ARHGAP12: variants seen among roughly 807,000 people sequenced by gnomAD.
ARHGAP12 encodes the protein rho GTPase-activating protein 12.
In ARHGAP12, 64 loss-of-function variants were observed where a neutral mutation model predicts 108.6. The observed-to-expected ratio is 0.59, with a 90% CI of 0.48 to 0.73. ARHGAP12 has a LOEUF of 0.73. ARHGAP12 is among the 30% of genes least tolerant of loss of function. The pLI is 0.00. For synonymous variants in ARHGAP12, 312 were observed against 337.2 expected (o/e 0.93, Z 0.82); for missense variants, 940 against 1,005.9 (o/e 0.93, Z 0.89).
At chr10:31,911,271 G>A (rs1431628092) in intron 1 of ARHGAP12, among the ~76,000 whole-genome samples, 1 of 152,152 alleles carries the variant, frequency 6.6e-6, no homozygotes, top group Non-Finnish European at 1.5e-5. Context: ...TGATCCGCCT[G>A]CCTCAGCCTC....
intron 3 of ARHGAP12, among the ~76,000 whole-genome samples, chr10:31,901,986 A>T (rs950446193): frequency 2.0e-5 from 3 of 151,848 alleles, no homozygotes; most frequent in African/African-American, 7.3e-5. Context: ...AACTGCAAAA[A>T]CCTCTTTCCC....
chr10:31,849,169 G>A lies in ARHGAP12; in HGVS notation c.1170+3348C>T, dbSNP rs77924554. ...CTTCACATATTTTATTTGAAATACT[G>A]AACAGCAGACTTCATTTTGAGTGGG... On this transcript the variant is annotated intron_variant, in intron 6 of 19. Coordinates refer to ENST00000344936, the MANE Select transcript of ARHGAP12 (RefSeq NM_018287.7). 6.4e-4 allele frequency among the ~76,000 whole-genome samples: 97 copies of A among 152,096 alleles called. 1 individual carries two copies. The East Asian group carries it at 0.017, about 27-fold the overall frequency.
Position 31,817,781 on chromosome 10 carries a change from G to T in ARHGAP12, c.1731+7C>A, listed in dbSNP as rs780125419. The T allele has an allele frequency of 6.5e-7, 1 of 1,545,092 alleles. No homozygotes were observed. The highest frequency in any genetic ancestry group is 8.7e-7 in the Non-Finnish European group (1 of 1,145,354). ...AAGTAAAAATTTTACCTAAGTCAAC[G>T]ACATACCTGATTATTGATTGTACTA... On this transcript the variant is annotated splice_region_variant and intron_variant, in intron 13 of 19. Transcript: ENST00000344936.
intron 3 of ARHGAP12, among the ~76,000 whole-genome samples, chr10:31,866,101 A>G (rs931230055): frequency 1.3e-5 from 2 of 152,220 alleles, no homozygotes; most frequent in Admixed American, 6.5e-5. Flanking sequence ...TGCAATTAAC[A>G]TAACTAAAGA....
chr10:31,854,295 ATAAG>A, intron 4 of ARHGAP12, 89 bp from the exon 5 acceptor site: 1 of 1,148,996 alleles, frequency 8.7e-7, no homozygotes, highest in Non-Finnish European at 1.2e-6. Flanking sequence ...TTACTTGACT[ATAAG>A]TATGAAGATA....
intron 3 of ARHGAP12, among the ~76,000 whole-genome samples, chr10:31,872,428 T>A (rs1238180909): frequency 2.0e-5 from 3 of 151,888 alleles, no homozygotes; most frequent in Non-Finnish European, 4.4e-5. Flanking sequence ...CCTATAGGAG[T>A]CACTAATTCA....
At chr10:31,914,151 A>C (rs1164867759) in intron 1 of ARHGAP12, among the ~76,000 whole-genome samples, 1 of 152,160 alleles carries the variant, frequency 6.6e-6, no homozygotes, top group East Asian at 1.9e-4. Flanking sequence ...CTTCTAATAC[A>C]ATTTTTTATT....
intron 1 of ARHGAP12, among the ~76,000 whole-genome samples, chr10:31,910,931 A>G (rs1464945762): frequency 6.6e-6 from 1 of 152,246 alleles, no homozygotes; most frequent in African/African-American, 2.4e-5. Context: ...TATGTATTGA[A>G]TGGGTAAAGA....
intron 1 of ARHGAP12, among the ~76,000 whole-genome samples, chr10:31,923,057 G>C (rs1296044505): frequency 6.7e-6 from 1 of 148,604 alleles, no homozygotes; most frequent in Non-Finnish European, 1.5e-5. Flanking sequence ...TTTGAGCCTG[G>C]GAGTTCGCGA....
chr10:31,880,913 AT>A (rs2132364305), intron 3 of ARHGAP12, among the ~76,000 whole-genome samples: 2 of 147,626 alleles, frequency 1.4e-5, no homozygotes, highest in South Asian at 2.2e-4. Flanking sequence ...AAAAAAAAAA[AT>A]TAGCCAGGTG....
chr10:31,824,744 T>C (rs537022568), intron 11 of ARHGAP12, among the ~76,000 whole-genome samples: 1 of 152,180 alleles, frequency 6.6e-6, no homozygotes, highest in Non-Finnish European at 1.5e-5. Flanking sequence ...TGGCTTCATC[T>C]GTTCCTGCTA....
chr10:31,906,711 G>A (rs1476625726), intron 3 of ARHGAP12, among the ~76,000 whole-genome samples: 1 of 152,172 alleles, frequency 6.6e-6, no homozygotes, highest in East Asian at 1.9e-4. Flanking sequence ...GGCCCCAGGA[G>A]AAGTTAGGAG....
rs1156434780 is a variant in ARHGAP12 at position 31,908,613 on chromosome 10, A to C, written c.243T>G (p.Val81=). 5.6e-6 allele frequency: 9 copies of C among 1,614,090 alleles called. 1 individual carries two copies. Among genetic ancestry groups the C allele is most frequent in the Middle Eastern group, 3.3e-4 (2 of 6,084 alleles). The change falls in exon 3 of 20, where the codon GTT becomes GTG. Residue 81 remains valine (V), a synonymous_variant. Transcript: ENST00000344936. ...EVTRKALMPP[V]KQVAGLPNNS... is the part of the protein sequence containing the mutation. ...TATTTGGCAGACCAGCTACCTGCTT[A>C]ACAGGTGGCATGAGAGCTTTGCGCG...
In ARHGAP12 at chr10:31,915,157, C is replaced by A. The variant is rs371304328; in HGVS notation, c.-110-4594G>T. ...ATCCCAGCACTTTGGGAGACCGGGG[C>A]GTGCAGATCACCTGAGGTCGGGGGT... On this transcript the variant is annotated intron_variant, in intron 1 of 19. Coordinates refer to ENST00000344936, the MANE Select transcript of ARHGAP12 (RefSeq NM_018287.7). 4.6e-5 allele frequency among the ~76,000 whole-genome samples: 7 copies of A among 152,098 alleles called. No homozygotes were observed. The East Asian group carries it at 1.3e-3, about 29-fold the overall frequency.
At chr10:31,830,717 A>AC (rs748886167) in intron 10 of ARHGAP12, among the ~76,000 whole-genome samples, 6 of 152,244 alleles carry the variant, frequency 3.9e-5, no homozygotes, top group Admixed American at 3.9e-4. Context: ...GAGGTACTAC[A>AC]CATTAACCAA....
At position 31,850,563 on chromosome 10, in the gene ARHGAP12, T is replaced by C. The variant is rs116707687; in HGVS notation, c.1170+1954A>G. Among the ~76,000 whole-genome samples, 816 of 152,332 alleles carry C rather than the reference T, an allele frequency of 5.4e-3. 8 individuals are homozygous for C. Among genetic ancestry groups the C allele is most frequent in the African/African-American group, 0.019 (770 of 41,592 alleles). ...TTGAAGAGCAGTATCTGAGGTATTC[T>C]ATTACTTCTTCACAGCACATTAATA... On this transcript the variant is annotated intron_variant, in intron 6 of 19. Transcript: ENST00000344936.
chr10:31,855,743 G>A (rs542088205), intron 4 of ARHGAP12, among the ~76,000 whole-genome samples: 1 of 152,244 alleles, frequency 6.6e-6, no homozygotes, highest in South Asian at 2.1e-4. Context: ...CAAAATCACA[G>A]AATCACTTTT....
At chr10:31,814,804 G>A (rs1350008380) in intron 13 of ARHGAP12, among the ~76,000 whole-genome samples, 1 of 152,022 alleles carries the variant, frequency 6.6e-6, no homozygotes, top group Non-Finnish European at 1.5e-5. Context: ...TCAGATTCAC[G>A]GTTGTCAACG....
intron 3 of ARHGAP12, among the ~76,000 whole-genome samples, chr10:31,903,125 TA>T (rs1431535379): frequency 6.6e-6 from 1 of 152,222 alleles, no homozygotes; most frequent in African/African-American, 2.4e-5. Flanking sequence ...CTGAGAAATG[TA>T]ACAGTCAATT....
Sources: gnomAD v4.1 joint callset for allele counts (sites outside exome capture counted in the v4.1 genomes callset) on GRCh38, gnomAD v4.1.1 for gene constraint, MANE v1.5 for transcripts, NCBI Gene and HGNC (gene_info 2026-07-23, HGNC 2026-07-21) for gene names.